HEATR3: variants seen among roughly 807,000 people sequenced by gnomAD.
HEATR3 encodes the protein HEAT repeat-containing protein 3.
In HEATR3, 56 loss-of-function variants were observed where a neutral mutation model predicts 72.8. The ratio of observed to expected loss-of-function variants is 0.77; its 90% CI spans 0.62 to 0.96. HEATR3 has a LOEUF of 0.96. HEATR3 is among the 40% of genes least tolerant of loss of function. The pLI is 0.00. For missense variants in HEATR3, 747 were observed against 831.4 expected (o/e 0.90, Z 1.25); for synonymous variants, 331 against 318.1 (o/e 1.04, Z -0.43).
chr16:50,066,668 A>C, intron 2 of HEATR3, 129 bp downstream of exon 2: 1 of 881,692 alleles, frequency 1.1e-6, no homozygotes, highest in South Asian at 5.0e-5. Flanking sequence ...CCGTTTGCAG[A>C]GATTTGAAGC....
chr16:50,069,566 G>A (rs1230888526), intron 3 of HEATR3, among the ~76,000 whole-genome samples: 1 of 152,212 alleles, frequency 6.6e-6, no homozygotes, highest in African/African-American at 2.4e-5. Context: ...CTGGCATCCA[G>A]TGGGTAGAGG....
rs1440765796 is a variant in HEATR3 at position 50,106,425 on chromosome 16, TA to T, written c.*1367del. The stretch of plus-strand genomic sequence containing the variant: ...ACAAAATCTTTTTTAAGATACCAAA[TA>T]AAGGGTTATTAGTAGAAAATGAGAT... On this transcript the variant is annotated 3_prime_UTR_variant, in exon 15 of 15. Coordinates refer to ENST00000299192, the MANE Select transcript of HEATR3 (RefSeq NM_182922.4). 6.6e-6 allele frequency: 1 copy of T among 152,200 alleles called. No individual in the cohort carries two copies. Among genetic ancestry groups the T allele is most frequent in the Non-Finnish European group, 1.5e-5 (1 of 68,020 alleles). 9.4% of individuals were successfully genotyped at this position (152,200 alleles called of 1,614,324 possible).
chr16:50,082,884 G>C (rs2036901548), intron 7 of HEATR3, among the ~76,000 whole-genome samples: 1 of 151,112 alleles, frequency 6.6e-6, no homozygotes. Flanking sequence ...TCTGCCTCCT[G>C]GGTTCAAGGG....
At chr16:50,083,786 C>A in intron 7 of HEATR3, 151 bp from the exon 8 acceptor site, 1 of 634,458 alleles carries the variant, frequency 1.6e-6, no homozygotes, top group Non-Finnish European at 2.7e-6. Context: ...GTACTTCTGG[C>A]ACTTCATGAC....
intron 11 of HEATR3, among the ~76,000 whole-genome samples, chr16:50,087,832 T>C (rs2037020818): frequency 6.6e-6 from 1 of 152,162 alleles, no homozygotes; most frequent in Admixed American, 6.6e-5. Flanking sequence ...AGAATTGAAC[T>C]CTTAAAAGAT....
intron 11 of HEATR3, among the ~76,000 whole-genome samples, chr16:50,091,613 G>A (rs540679507): frequency 1.3e-5 from 2 of 152,058 alleles, no homozygotes; most frequent in South Asian, 2.1e-4. Flanking sequence ...GGTGGCTCAC[G>A]CCTGTAATCC....
chr16:50,084,902 T>C lies in HEATR3; in HGVS notation c.1373+251T>C, dbSNP rs537581576. The stretch of plus-strand genomic sequence containing the variant: ...CAGAGTTAGAATGGTAAATAAATTT[T>C]GACAAAATCACGCAGTACAATACAT... On this transcript the variant is annotated intron_variant, in intron 10 of 14. Transcript: ENST00000299192. Among the ~76,000 whole-genome samples, 5 of 152,282 alleles carry C rather than the reference T, an allele frequency of 3.3e-5. No individual in the cohort carries two copies. In the South Asian group the frequency reaches 1.0e-3, roughly 32 times the overall value.
chr16:50,092,730 C>A (rs2037147350), intron 11 of HEATR3, among the ~76,000 whole-genome samples: 1 of 132,778 alleles, frequency 7.5e-6, no homozygotes, highest in South Asian at 2.6e-4. Flanking sequence ...GCGTGAGCCA[C>A]CGCGCCCGGC....
chr16:50,080,972 C>T (rs1405156087), intron 7 of HEATR3, among the ~76,000 whole-genome samples: 4 of 152,170 alleles, frequency 2.6e-5, no homozygotes, highest in Admixed American at 1.3e-4. Flanking sequence ...CTTCCAAGGA[C>T]CTTCTACAGG....
Position 50,106,257 on chromosome 16 carries a change from A to T in HEATR3, c.*1196A>T, listed in dbSNP as rs1405443904. 2.0e-5 allele frequency: 3 copies of T among 152,190 alleles called. No individual in the cohort carries two copies. Among genetic ancestry groups the T allele is most frequent in the Non-Finnish European group, 4.4e-5 (3 of 68,042 alleles). The allele number at this position is 152,190 out of a possible 1,614,324, so 9.4% of individuals were successfully genotyped here. On this transcript the variant is annotated 3_prime_UTR_variant, in exon 15 of 15. Coordinates refer to ENST00000299192, the MANE Select transcript of HEATR3 (RefSeq NM_182922.4). ...CTTACTAGATTATACTAATGAGCTA[A>T]TGGGGTCATTGCCATCCTCCCTACT...
rs1184576087 is a variant in HEATR3 at position 50,102,306 on chromosome 16, T to C, written c.1791T>C (p.Leu597=). 2 of 1,614,050 alleles carry C rather than the reference T, an allele frequency of 1.2e-6. No individual in the cohort carries two copies. The highest frequency in any genetic ancestry group is 2.2e-5 in the East Asian group (1 of 44,888). The change falls in exon 14 of 15, where the codon CTT becomes CTC. Residue 597 remains leucine, a synonymous_variant. Transcript: ENST00000299192. ...LLEVTTKDPS[L]VVAGEALDAL... ...AAGTTACCACCAAAGATCCTTCCCT[T>C]GTGGTAGCAGGAGAAGCTTTGGATG...
intron 7 of HEATR3, among the ~76,000 whole-genome samples, chr16:50,082,943 G>A (rs774722896): frequency 2.6e-4 from 39 of 152,020 alleles, no homozygotes; most frequent in Non-Finnish European, 4.4e-4. Context: ...GGCATGCACC[G>A]CCATGCCTGG....
chr16:50,098,937 C>A (rs1249043202), intron 12 of HEATR3, among the ~76,000 whole-genome samples: 1 of 151,792 alleles, frequency 6.6e-6, no homozygotes, highest in Non-Finnish European at 1.5e-5. Flanking sequence ...AACACTATTT[C>A]TTTTTGCTTC....
chr16:50,079,400 C>T (rs530993937), intron 7 of HEATR3, among the ~76,000 whole-genome samples: 18 of 152,310 alleles, frequency 1.2e-4, no homozygotes, highest in Admixed American at 6.5e-4. Context: ...CCCTTGCATT[C>T]TTGCCTCTTA....
In HEATR3 at chr16:50,084,038, A is replaced by G. The variant is rs1567435779; in HGVS notation, c.1132+11A>G. 1 of 1,613,606 alleles carries G rather than the reference A, an allele frequency of 6.2e-7. No individual in the cohort carries two copies. The highest frequency in any genetic ancestry group is 2.2e-5 in the East Asian group (1 of 44,890). On this transcript the variant is annotated intron_variant, in intron 8 of 14. Coordinates refer to ENST00000299192, the MANE Select transcript of HEATR3 (RefSeq NM_182922.4). The stretch of plus-strand genomic sequence containing the variant: ...TGTGCTGCAATGAAGGTTTGTTAAC[A>G]TTTACATTTAGACATTTTCCCCCTG...
intron 13 of HEATR3, chr16:50,100,590 T>C: frequency 2.0e-6 from 1 of 512,378 alleles, no homozygotes; most frequent in East Asian, 3.6e-5. Context: ...TTTTACAATT[T>C]AACGTTATTC....
rs2036939313 is a variant in HEATR3, at chr16:50,084,275, A to G, written c.1274A>G (p.Tyr425Cys). Reference protein sequence around the residue: ...SHEVHTALTNYLIPKKIFEKT... With the variant: ...SHEVHTALTNCLIPKKIFEKT... The stretch of plus-strand genomic sequence containing the variant: ...GAAGTTCACACGGCTCTCACCAACT[A>G]CCTCATCCCAAAGAAGGTAATCCAT... The change falls in exon 9 of 15, where the codon TAC becomes TGC. Residue 425 changes from tyrosine to cysteine, a missense_variant. Transcript: ENST00000299192. 1 of 1,613,666 alleles carries G rather than the reference A, an allele frequency of 6.2e-7. No homozygotes were observed.
At chr16:50,096,671 C>G (rs2037245973) in intron 12 of HEATR3, among the ~76,000 whole-genome samples, 1 of 152,070 alleles carries the variant, frequency 6.6e-6, no homozygotes, top group Admixed American at 6.6e-5. Context: ...TGGTGGCAGG[C>G]ACCTGTAATC....
At chr16:50,084,495 G>A (rs1034813290) in intron 9 of HEATR3, 74 bp from the exon 10 acceptor site, 2 of 1,209,174 alleles carry the variant, frequency 1.7e-6, no homozygotes, top group African/African-American at 3.0e-5. Flanking sequence ...GGAGTAATAT[G>A]TTGGAATTAT....
Sources: allele counts gnomAD v4.1 joint callset (sites outside exome capture counted in the v4.1 genomes callset), GRCh38; gene constraint gnomAD v4.1.1; transcripts MANE v1.5; gene names NCBI Gene and HGNC (gene_info 2026-07-23, HGNC 2026-07-21).